The following C5orf63 variants were observed in gnomAD, a reference collection of about 807,000 sequenced individuals.
The protein encoded by C5orf63 is chromosome 5 open reading frame 63.
In C5orf63, 18 loss-of-function variants were observed where a neutral mutation model predicts 13.3. The observed-to-expected ratio is 1.36, with a 90% confidence interval of 0.94 to 2.01. The LOEUF (loss-of-function observed/expected upper bound fraction) is 2.01, where lower values mean the gene tolerates loss of function less well. C5orf63 is among the 30% of genes most tolerant of loss of function. The pLI is 0.00. For missense variants in C5orf63, 118 were observed against 127.7 expected (o/e 0.92, Z 0.36); for synonymous variants, 38 against 44.7 (o/e 0.85, Z 0.60).
chr5:127,068,823 G>C lies in C5orf63; in HGVS notation c.-8+2761C>G, dbSNP rs1222571784. On this transcript the variant is annotated intron_variant, in intron 2 of 4. Transcript: ENST00000296662. ...GAAGAGTTTCCAAACACTCAGCTAA[G>C]AAAATAAAATAATGATGCCAATCAA... Among the ~76,000 whole-genome samples, 4 of 152,092 alleles carry C rather than the reference G, an allele frequency of 2.6e-5. No homozygotes were observed. The East Asian group carries it at 5.8e-4, about 22-fold the overall frequency.
intron 2 of C5orf63, among the ~76,000 whole-genome samples, chr5:127,060,854 GTAGTTTTCTTT>G (rs1369679119): frequency 2.6e-5 from 4 of 152,130 alleles, no homozygotes. Flanking sequence ...ACATCTTGCT[GTAGTTTTCTTT>G]TGCCCTTTAC....
downstream of C5orf63, among the ~76,000 whole-genome samples, chr5:127,051,130 CTG>C (rs1463533564): frequency 6.6e-6 from 1 of 152,172 alleles, no homozygotes; most frequent in African/African-American, 2.4e-5. Flanking sequence ...AATTCAATGA[CTG>C]TGTAGAGAAT....
At chr5:127,058,217 G>T (rs962693107) in intron 3 of C5orf63, among the ~76,000 whole-genome samples, 1 of 151,956 alleles carries the variant, frequency 6.6e-6, no homozygotes, top group Non-Finnish European at 1.5e-5. Flanking sequence ...TTAGGCCCTG[G>T]TGTCTATCAT....
At chr5:127,046,508 T>C (rs1753523749), downstream of C5orf63, 1 of 152,270 alleles carries the variant, frequency 6.6e-6, no homozygotes, top group Admixed American at 6.5e-5. Flanking sequence ...CTGACTTCTC[T>C]TGAGTATGGT....
At chr5:127,058,163 T>C (rs1253258480) in intron 3 of C5orf63, among the ~76,000 whole-genome samples, 1 of 152,146 alleles carries the variant, frequency 6.6e-6, no homozygotes, top group Non-Finnish European at 1.5e-5. Context: ...GTAGTAAGCA[T>C]ACACCTGATA....
chr5:127,057,165 A>C (rs1277558211), intron 3 of C5orf63, among the ~76,000 whole-genome samples: 1 of 152,210 alleles, frequency 6.6e-6, no homozygotes, highest in Non-Finnish European at 1.5e-5. Context: ...TGGTTCCATA[A>C]TTTCCAACAG....
rs755107722 is a variant in C5orf63 at position 127,066,689 on chromosome 5, G to A, written c.-8+4895C>T. On this transcript the variant is annotated intron_variant, in intron 2 of 4. Transcript: ENST00000296662. ...GGTTTGATACTCAGGAAAAAAATCCGGGTCTAAAGATAAAGACTTGAGTCT... is the reference window on the plus strand; with the variant it reads ...GGTTTGATACTCAGGAAAAAAATCCAGGTCTAAAGATAAAGACTTGAGTCT... 4.6e-5 allele frequency among the ~76,000 whole-genome samples: 7 copies of A among 152,118 alleles called. No homozygotes were observed. The East Asian group carries it at 5.8e-4, about 13-fold the overall frequency.
chr5:127,060,661 CAA>C (rs1280452557), intron 2 of C5orf63, among the ~76,000 whole-genome samples: 1 of 152,252 alleles, frequency 6.6e-6, no homozygotes, highest in Non-Finnish European at 1.5e-5. Context: ...GTTGCAACTG[CAA>C]AGTTTCTCTT....
At chr5:127,070,682 G>A (rs943015238) in intron 2 of C5orf63, among the ~76,000 whole-genome samples, 4 of 152,174 alleles carry the variant, frequency 2.6e-5, no homozygotes, top group African/African-American at 9.7e-5. Context: ...AGATACTGGT[G>A]CCCTACATAA....
In C5orf63 at chr5:127,058,108, T is replaced by C. The variant is rs11953343; in HGVS notation, c.114+774A>G. Among the ~76,000 whole-genome samples, 681 of 152,202 alleles carry C rather than the reference T, an allele frequency of 4.5e-3. 4 individuals are homozygous for C. Among genetic ancestry groups the C allele is most frequent in the African/African-American group, 0.016 (648 of 41,526 alleles). Reference sequence around the variant, plus strand: ...TGTGCAGCTTTGTCACATGGGTAAATTGCATGCCACTGGGGTTTGGTGTAC... The same window carrying C: ...TGTGCAGCTTTGTCACATGGGTAAACTGCATGCCACTGGGGTTTGGTGTAC... On this transcript the variant is annotated intron_variant, in intron 3 of 4. Coordinates refer to ENST00000296662, the MANE Select transcript of C5orf63 (RefSeq NM_001164478.2).
At chr5:127,059,888 G>A (rs1312944990) in intron 2 of C5orf63, among the ~76,000 whole-genome samples, 1 of 152,098 alleles carries the variant, frequency 6.6e-6, no homozygotes, top group Non-Finnish European at 1.5e-5. Context: ...GCTCACGCCT[G>A]TAATCCCAGC....
intron 2 of C5orf63, among the ~76,000 whole-genome samples, chr5:127,070,895 G>A (rs1224164651): frequency 6.6e-6 from 1 of 152,104 alleles, no homozygotes; most frequent in African/African-American, 2.4e-5. Flanking sequence ...AGCATCTAAT[G>A]TATTCCCAAA....
In C5orf63 at chr5:127,051,827, T is replaced by G; in HGVS notation, c.292A>C (p.Thr98Pro). ...AGGAGCTGTTTTTCAAGTTTTGAGG[T>G]GTTTACTCGATGCATCATCAGAAAC... ...GQFLMMHRVNTSKLEKQLLKL... is the reference protein window; with the variant it reads ...GQFLMMHRVNPSKLEKQLLKL... Residue 98 changes from threonine (T) to proline (P), a missense_variant, in exon 5 of 5, where the codon ACC becomes CCC. Transcript: ENST00000296662. 6.5e-7 allele frequency: 1 copy of G among 1,535,646 alleles called. No homozygotes were observed. Among genetic ancestry groups the G allele is most frequent in the Non-Finnish European group, 8.7e-7 (1 of 1,146,182 alleles).
At chr5:127,050,929 G>C (rs937495574), downstream of C5orf63, among the ~76,000 whole-genome samples, 3 of 152,118 alleles carry the variant, frequency 2.0e-5, no homozygotes, top group African/African-American at 7.2e-5. Context: ...ATAAGGGTAC[G>C]CAAATACATT....
At chr5:127,058,373 T>TA (rs1277648347) in intron 3 of C5orf63, among the ~76,000 whole-genome samples, 4 of 152,216 alleles carry the variant, frequency 2.6e-5, no homozygotes, top group Non-Finnish European at 4.4e-5. Context: ...CATTATTTCA[T>TA]CTATTTTATG....
intron 2 of C5orf63, among the ~76,000 whole-genome samples, chr5:127,070,074 T>C (rs1754479602): frequency 6.6e-6 from 1 of 152,116 alleles, no homozygotes; most frequent in African/African-American, 2.4e-5. Context: ...GACACTTCAT[T>C]TTGTATAAGG....
chr5:127,063,115 C>T (rs965721609), intron 2 of C5orf63, among the ~76,000 whole-genome samples: 5 of 152,098 alleles, frequency 3.3e-5, no homozygotes, highest in Non-Finnish European at 7.4e-5. Context: ...GTCCAGTGCC[C>T]CTCGGAGGCA....
chr5:127,066,222 A>T (rs1754326100), intron 2 of C5orf63, among the ~76,000 whole-genome samples: 1 of 152,180 alleles, frequency 6.6e-6, no homozygotes. Context: ...CAGGCATCAG[A>T]TCACGTAGGC....
At chr5:127,048,447 G>C (rs958239011), downstream of C5orf63, among the ~76,000 whole-genome samples, 5 of 152,064 alleles carry the variant, frequency 3.3e-5, no homozygotes, top group Non-Finnish European at 7.4e-5. Context: ...TCGCTTTCCA[G>C]TGAGTCCAAC....
Sources: allele counts gnomAD v4.1 joint callset (sites outside exome capture counted in the v4.1 genomes callset), GRCh38; gene constraint gnomAD v4.1.1; transcripts MANE v1.5; gene names NCBI Gene and HGNC (gene_info 2026-07-23, HGNC 2026-07-21).